Variants in NSL1 observed in about 807,000 individuals in gnomAD.
NSL1 encodes the protein NSL1 component of MIS12 kinetochore complex.
NSL1 carries 11 observed loss-of-function variants against 25.4 expected under a neutral mutation model. The ratio of observed to expected loss-of-function variants is 0.43; its 90% CI spans 0.27 to 0.72. The LOEUF is 0.72. Ranked by LOEUF, NSL1 falls within the 30% of genes least tolerant of loss-of-function variation. NSL1 has a pLI of 0.19. For synonymous variants in NSL1, 118 were observed against 120.6 expected (o/e 0.98, Z 0.14); for missense variants, 330 against 342.7 (o/e 0.96, Z 0.29).
chr1:212,744,159 T>C (rs1474951792), intron 4 of NSL1, among the ~76,000 whole-genome samples: 2 of 152,230 alleles, frequency 1.3e-5, no homozygotes. Context: ...AAGGCCGTTA[T>C]GAACTGCCTG....
Position 212,732,193 on chromosome 1 carries a change from TG to T in NSL1, c.*6214del, listed in dbSNP as rs1229403688. On this transcript the variant is annotated 3_prime_UTR_variant, in exon 6 of 6. Coordinates refer to ENST00000366977, the MANE Select transcript of NSL1 (RefSeq NM_015471.4). ...ATAACTGCCTTATTTTTTGTTTCTT[TG>T]AACATCTTAATCATATTACAAAACA... 8 of 984,282 alleles carry T rather than the reference TG, an allele frequency of 8.1e-6. No homozygotes were observed. The Admixed American group carries it at 4.9e-4, about 60-fold the overall frequency. The allele number at this position is 984,282 out of a possible 1,614,324, so 61.0% of individuals were successfully genotyped here.
At chr1:212,780,142 C>A (rs1330975572) in intron 4 of NSL1, among the ~76,000 whole-genome samples, 1 of 151,880 alleles carries the variant, frequency 6.6e-6, no homozygotes, top group African/African-American at 2.4e-5. Flanking sequence ...GGAAACTTTT[C>A]ATTTTGTTCT....
Position 212,735,201 on chromosome 1 carries a change from G to A in NSL1, c.*3207C>T. The A allele has an allele frequency of 3.5e-6, 2 of 568,420 alleles. No individual in the cohort carries two copies. Among genetic ancestry groups the A allele is most frequent in the African/African-American group, 4.1e-5 (2 of 49,146 alleles). The allele number at this position is 568,420 out of a possible 1,614,324, so 35.2% of individuals were successfully genotyped here. A position where few individuals can be genotyped will look rare whatever the true frequency, so the allele number is the denominator to read the frequency against. On this transcript the variant is annotated 3_prime_UTR_variant, in exon 6 of 6. Coordinates refer to ENST00000366977, the MANE Select transcript of NSL1 (RefSeq NM_015471.4). ...GATCTCTGACTTTTGATCATAGACA[G>A]GTTAAGTAACTTGTCCAATATCATT...
At chr1:212,791,476 C>T in intron 1 of NSL1, 54 bp downstream of exon 1, 1 of 1,491,452 alleles carries the variant, frequency 6.7e-7, no homozygotes, top group Admixed American at 1.8e-5. Flanking sequence ...TCCTAAGATC[C>T]TGGGTGTTGG....
Position 212,727,639 on chromosome 1 carries a change from AGAATTTACTATAATTATAATCCT to A in NSL1, c.*10746_*10768del. On this transcript the variant is annotated 3_prime_UTR_variant, in exon 6 of 6. Transcript: ENST00000366977. The stretch of plus-strand genomic sequence containing the variant: ...TCTAAAATTCACACGTCACAAATTC[AGAATTTACTATAATTATAATCCT>A]GAACAATCAGGACTGTTAGCTTCCC... The A allele has an allele frequency of 3.0e-6, 3 of 985,408 alleles. No homozygotes were observed. Among genetic ancestry groups the A allele is most frequent in the Non-Finnish European group, 3.6e-6 (3 of 829,878 alleles). The allele number at this position is 985,408 out of a possible 1,614,324, so 61.0% of individuals were successfully genotyped here.
chr1:212,766,816 C>T (rs948388541), intron 4 of NSL1, among the ~76,000 whole-genome samples: 34 of 152,124 alleles, frequency 2.2e-4, no homozygotes, highest in African/African-American at 7.5e-4. Context: ...AATTTAAAAA[C>T]TCAACCACTT....
At chr1:212,746,873 C>T (rs545792011) in intron 4 of NSL1, among the ~76,000 whole-genome samples, 1 of 152,186 alleles carries the variant, frequency 6.6e-6, no homozygotes, top group Non-Finnish European at 1.5e-5. Context: ...TGGCCAGGTG[C>T]GGTGGCCCAG....
chr1:212,763,328 C>A (rs1317884416), intron 4 of NSL1, among the ~76,000 whole-genome samples: 1 of 152,100 alleles, frequency 6.6e-6, no homozygotes, highest in Non-Finnish European at 1.5e-5. Flanking sequence ...CTATATAGAA[C>A]CTCCTGAAAG....
intron 4 of NSL1, chr1:212,763,983 C>A: frequency 2.4e-6 from 1 of 424,590 alleles, no homozygotes. Context: ...ATACATTCTC[C>A]TCATCAGCAC....
Position 212,730,919 on chromosome 1 carries a change from CAA to C in NSL1, c.*7487_*7488del, listed in dbSNP as rs1172841639. The C allele has an allele frequency of 1.6e-4, 158 of 985,238 alleles. No individual in the cohort carries two copies. The highest frequency in any genetic ancestry group is 1.9e-4 in the Non-Finnish European group (156 of 829,934). 61.0% of individuals were successfully genotyped at this position (985,238 alleles called of 1,614,324 possible). ...TGAGATTGTGATCCAGGGAAACCGA[CAA>C]GTTAGAAATTTGCAATATGAACTCA... On this transcript the variant is annotated 3_prime_UTR_variant, in exon 6 of 6. Coordinates refer to ENST00000366977, the MANE Select transcript of NSL1 (RefSeq NM_015471.4).
At position 212,726,466 on chromosome 1, in the gene NSL1, A is replaced by G. The variant is rs1657791310; in HGVS notation, c.*11942T>C. 1 of 152,302 alleles carries G rather than the reference A, an allele frequency of 6.6e-6. No individual in the cohort carries two copies. The highest frequency in any genetic ancestry group is 6.5e-5 in the Admixed American group (1 of 15,280). The allele number at this position is 152,302 out of a possible 1,614,324, so 9.4% of individuals were successfully genotyped here. On this transcript the variant is annotated 3_prime_UTR_variant, in exon 6 of 6. Transcript: ENST00000366977. ...TTTCCCTGCTGTTTATCAAGATGGC[A>G]TATGGGTGTAGGGAGAAGAAGAGGT...
chr1:212,764,822 G>T (rs1015304404), intron 4 of NSL1, among the ~76,000 whole-genome samples: 2 of 129,178 alleles, frequency 1.5e-5, no homozygotes, highest in African/African-American at 5.8e-5. Flanking sequence ...CTCCAGCCTG[G>T]GTGACACAGC....
At chr1:212,744,963 C>G (rs1307251646) in intron 4 of NSL1, among the ~76,000 whole-genome samples, 1 of 151,918 alleles carries the variant, frequency 6.6e-6, no homozygotes, top group Admixed American at 6.6e-5. Flanking sequence ...TGGTGAAACC[C>G]CGTCTCTACT....
chr1:212,727,121 G>A lies in NSL1; in HGVS notation c.*11287C>T, dbSNP rs41315583. The A allele has an allele frequency of 0.07, 108,702 of 1,563,142 alleles. 4,653 individuals carry two copies. Among genetic ancestry groups the A allele is most frequent in the African/African-American group, 0.17 (12,536 of 73,164 alleles). Reference sequence around the variant, plus strand: ...TTCACCAGAGGCAGAAGGGATGAAGGTTCCCCGATCCCCTTCTCTCCTAAA... The same window carrying A: ...TTCACCAGAGGCAGAAGGGATGAAGATTCCCCGATCCCCTTCTCTCCTAAA... On this transcript the variant is annotated 3_prime_UTR_variant, in exon 6 of 6. Transcript: ENST00000366977.
At chr1:212,758,091 T>C (rs969881459) in intron 4 of NSL1, among the ~76,000 whole-genome samples, 1 of 152,212 alleles carries the variant, frequency 6.6e-6, no homozygotes, top group African/African-American at 2.4e-5. Context: ...TCTAACATTT[T>C]TGGAATGTGC....
intron 4 of NSL1, among the ~76,000 whole-genome samples, chr1:212,741,239 T>C (rs1658488496): frequency 6.6e-6 from 1 of 152,210 alleles, no homozygotes; most frequent in African/African-American, 2.4e-5. Flanking sequence ...TTGGTCCTCC[T>C]GTGGCAATAT....
intron 4 of NSL1, among the ~76,000 whole-genome samples, chr1:212,740,830 G>A (rs935313091): frequency 2.6e-5 from 4 of 152,098 alleles, no homozygotes; most frequent in African/African-American, 9.7e-5. Flanking sequence ...TAATATATGT[G>A]CTTCTTTATT....
Position 212,734,406 on chromosome 1 carries a change from T to C in NSL1, c.*4002A>G, listed in dbSNP as rs1368436484. ...ATCAGTTTTGTGCATTTTTAAAATA[T>C]AAAACTTAAATAAAGTGCAGAAATT... On this transcript the variant is annotated 3_prime_UTR_variant, in exon 6 of 6. Transcript: ENST00000366977. 6.6e-6 allele frequency among the ~76,000 whole-genome samples: 1 copy of C among 152,206 alleles called. No homozygotes were observed. The highest frequency in any genetic ancestry group is 2.4e-5 in the African/African-American group (1 of 41,450).
rs1384381859 is a variant in NSL1, at chr1:212,734,512, C to T, written c.*3896G>A. On this transcript the variant is annotated 3_prime_UTR_variant, in exon 6 of 6. Transcript: ENST00000366977. ...TCAGATCAAGATACAGAACATTTTG[C>T]TCACCCAAAAATGTTTCCCGTGCCA... is the stretch of plus-strand genomic sequence containing the variant. Among the ~76,000 whole-genome samples the T allele has an allele frequency of 1.3e-5, 2 of 152,144 alleles. No individual in the cohort carries two copies. Among genetic ancestry groups the T allele is most frequent in the Non-Finnish European group, 2.9e-5 (2 of 68,018 alleles).
Sources: allele counts gnomAD v4.1 joint callset (sites outside exome capture counted in the v4.1 genomes callset), GRCh38; gene constraint gnomAD v4.1.1; transcripts MANE v1.5; gene names NCBI Gene and HGNC (gene_info 2026-07-23, HGNC 2026-07-21).